Variants in COMMD10 observed in about 807,000 individuals in gnomAD.
COMMD10 encodes the protein COMM domain-containing protein 10.
In COMMD10, 33 loss-of-function variants were observed where a neutral mutation model predicts 28.9. The observed-to-expected ratio is 1.14, with a 90% CI of 0.87 to 1.53. The LOEUF is 1.53. Ranked by LOEUF, COMMD10 falls within the 40% of genes most tolerant of loss-of-function variation. The pLI is 0.00. For missense variants in COMMD10, 310 were observed against 233.4 expected (o/e 1.33, Z -2.14); for synonymous variants, 110 against 81.7 (o/e 1.35, Z -1.87).
At chr5:116,125,278 G>A (rs755701589) in intron 4 of COMMD10, among the ~76,000 whole-genome samples, 3 of 152,106 alleles carry the variant, frequency 2.0e-5, no homozygotes, top group Admixed American at 6.6e-5. Context: ...GCATTTGTCT[G>A]TAAATGATTT....
intron 5 of COMMD10, among the ~76,000 whole-genome samples, chr5:116,140,078 A>G (rs1282452823): frequency 1.3e-5 from 2 of 151,634 alleles, no homozygotes; most frequent in Non-Finnish European, 3.0e-5. Flanking sequence ...CTCTGTTCTA[A>G]TAGGCATTTT....
At chr5:116,194,757 C>T (rs1041295398) in intron 5 of COMMD10, among the ~76,000 whole-genome samples, 2 of 152,066 alleles carry the variant, frequency 1.3e-5, no homozygotes, top group Non-Finnish European at 2.9e-5. Flanking sequence ...GAATTGGTAC[C>T]AATCCTTTTG....
At chr5:116,284,428 T>G (rs1270776675) in intron 5 of COMMD10, among the ~76,000 whole-genome samples, 1 of 151,874 alleles carries the variant, frequency 6.6e-6, no homozygotes, top group Admixed American at 6.6e-5. Flanking sequence ...TGACAAGATG[T>G]GGATGTGTTT....
intron 5 of COMMD10, among the ~76,000 whole-genome samples, chr5:116,220,592 T>G (rs1749224089): frequency 6.6e-6 from 1 of 152,162 alleles, no homozygotes; most frequent in Non-Finnish European, 1.5e-5. Flanking sequence ...GGGATACATA[T>G]GCAACCCAAG....
intron 5 of COMMD10, among the ~76,000 whole-genome samples, chr5:116,232,559 G>C (rs1414041191): frequency 6.6e-6 from 1 of 151,964 alleles, no homozygotes; most frequent in Admixed American, 6.6e-5. Context: ...AAATTAGCTG[G>C]ACGTGGTAGC....
chr5:116,092,821 G>A, intron 4 of COMMD10, 121 bp downstream of exon 4: 1 of 601,394 alleles, frequency 1.7e-6, no homozygotes, highest in East Asian at 3.1e-5. Context: ...AAGAAACACA[G>A]ATGCTCCTCA....
At chr5:116,118,989 T>G (rs1751333840) in intron 4 of COMMD10, among the ~76,000 whole-genome samples, 1 of 152,228 alleles carries the variant, frequency 6.6e-6, no homozygotes, top group African/African-American at 2.4e-5. Context: ...GTGCATTTGT[T>G]AAATAGAGTT....
chr5:116,290,907 C>T (rs1446973736), intron 5 of COMMD10, among the ~76,000 whole-genome samples: 1 of 152,118 alleles, frequency 6.6e-6, no homozygotes, highest in Non-Finnish European at 1.5e-5. Context: ...TACAATATTA[C>T]CTAGCATCTG....
chr5:116,216,613 C>A (rs1427068938), intron 5 of COMMD10, among the ~76,000 whole-genome samples: 1 of 152,152 alleles, frequency 6.6e-6, no homozygotes, highest in Non-Finnish European at 1.5e-5. Context: ...CTCACTGCAA[C>A]CTGTGCCTCC....
intron 5 of COMMD10, among the ~76,000 whole-genome samples, chr5:116,208,812 A>G (rs1473463477): frequency 2.6e-5 from 4 of 152,170 alleles, no homozygotes; most frequent in African/African-American, 4.8e-5. Context: ...ATACATACAA[A>G]TTTCTGTTGA....
intron 5 of COMMD10, among the ~76,000 whole-genome samples, chr5:116,166,874 T>C (rs1199611644): frequency 6.6e-6 from 1 of 151,688 alleles, no homozygotes; most frequent in East Asian, 1.9e-4. Flanking sequence ...GGTAGATAAA[T>C]CCATGAAGAT....
At chr5:116,151,459 G>A (rs572491821) in intron 5 of COMMD10, among the ~76,000 whole-genome samples, 122 of 152,206 alleles carry the variant, frequency 8.0e-4, no homozygotes, top group African/African-American at 2.8e-3. Context: ...CGTACCTCTG[G>A]TAGAATTCGG....
intron 5 of COMMD10, among the ~76,000 whole-genome samples, chr5:116,257,254 C>A (rs1053949997): frequency 4.0e-5 from 6 of 151,720 alleles, no homozygotes; most frequent in African/African-American, 4.9e-5. Context: ...CAAAAACTTT[C>A]AGATGTTGGA....
intron 5 of COMMD10, among the ~76,000 whole-genome samples, chr5:116,203,740 G>T (rs941419296): frequency 3.3e-5 from 5 of 151,948 alleles, no homozygotes; most frequent in African/African-American, 4.8e-5. Context: ...CCTGAAGGAA[G>T]CACTAAACAT....
chr5:116,239,004 A>G (rs971097376), intron 5 of COMMD10, among the ~76,000 whole-genome samples: 4 of 151,856 alleles, frequency 2.6e-5, no homozygotes, highest in African/African-American at 7.3e-5. Context: ...AGCATGCTGC[A>G]TCAACAAGTT....
At chr5:116,093,644 A>G (rs906871934) in intron 4 of COMMD10, among the ~76,000 whole-genome samples, 1 of 152,140 alleles carries the variant, frequency 6.6e-6, no homozygotes, top group Non-Finnish European at 1.5e-5. Flanking sequence ...GCTCCATTTT[A>G]AGAGTCTAAT....
intron 4 of COMMD10, among the ~76,000 whole-genome samples, chr5:116,096,132 T>A (rs1191542298): frequency 2.0e-5 from 3 of 152,062 alleles, no homozygotes; most frequent in Non-Finnish European, 4.4e-5. Flanking sequence ...GCTTTTGTAT[T>A]TCTGTAAAAA....
intron 5 of COMMD10, among the ~76,000 whole-genome samples, chr5:116,239,595 C>T (rs917289163): frequency 3.3e-5 from 5 of 152,096 alleles, no homozygotes; most frequent in African/African-American, 7.2e-5. Context: ...GTAATGCCAA[C>T]TTCCACGACA....
chr5:116,195,960 C>T (rs1025289071), intron 5 of COMMD10, among the ~76,000 whole-genome samples: 2 of 152,064 alleles, frequency 1.3e-5, no homozygotes, highest in Non-Finnish European at 2.9e-5. Flanking sequence ...ATGCAGTGAT[C>T]AGGAAACACG....
Sources: gnomAD v4.1 joint callset for allele counts (sites outside exome capture counted in the v4.1 genomes callset) on GRCh38, gnomAD v4.1.1 for gene constraint, MANE v1.5 for transcripts, NCBI Gene and HGNC (gene_info 2026-07-23, HGNC 2026-07-21) for gene names.